CD86: variants seen among roughly 807,000 people sequenced by gnomAD.
CD86 encodes T-lymphocyte activation antigen CD86.
CD86 carries 11 observed loss-of-function variants against 32.1 expected under a neutral mutation model. The ratio of observed to expected loss-of-function variants is 0.34; its 90% CI spans 0.22 to 0.57. CD86 has a LOEUF of 0.57. Ranked by LOEUF, CD86 falls within the 20% of genes least tolerant of loss-of-function variation. CD86 has a pLI of 0.86. For missense variants in CD86, 359 were observed against 398.4 expected (o/e 0.90, Z 0.84); for synonymous variants, 137 against 135.3 (o/e 1.01, Z -0.09).
At chr3:122,109,640 A>T (rs1375778118) in intron 5 of CD86, among the ~76,000 whole-genome samples, 1 of 152,262 alleles carries the variant, frequency 6.6e-6, no homozygotes, top group Non-Finnish European at 1.5e-5. Flanking sequence ...TTACAAATGT[A>T]CTTCTGGTTT....
At chr3:122,078,083 T>G in intron 1 of CD86, 1 of 984,250 alleles carries the variant, frequency 1.0e-6, no homozygotes, top group Non-Finnish European at 1.2e-6. Context: ...GGGAGTGGCA[T>G]GAGATAAAGC....
intron 1 of CD86, among the ~76,000 whole-genome samples, chr3:122,088,107 G>A (rs1047471846): frequency 2.0e-5 from 3 of 151,372 alleles, no homozygotes; most frequent in Admixed American, 6.6e-5. Flanking sequence ...TGGTTAGGTC[G>A]AACATAATGG....
chr3:122,078,840 A>G (rs192714661), intron 1 of CD86, among the ~76,000 whole-genome samples: 1 of 152,230 alleles, frequency 6.6e-6, no homozygotes, highest in Non-Finnish European at 1.5e-5. Flanking sequence ...TGAACTGTTT[A>G]TCTTACATGT....
intron 1 of CD86, among the ~76,000 whole-genome samples, chr3:122,073,858 T>C (rs1227214981): frequency 6.6e-6 from 1 of 152,204 alleles, no homozygotes; most frequent in Non-Finnish European, 1.5e-5. Context: ...TATGAAATCA[T>C]CACTTTGAAA....
chr3:122,095,759 T>A (rs147945460), intron 2 of CD86, among the ~76,000 whole-genome samples: 5 of 152,156 alleles, frequency 3.3e-5, no homozygotes, highest in Non-Finnish European at 7.4e-5. Context: ...AATAGATATA[T>A]GTTATCTAGT....
intron 2 of CD86, among the ~76,000 whole-genome samples, chr3:122,098,460 G>A (rs1020846448): frequency 4.6e-5 from 7 of 152,152 alleles, no homozygotes; most frequent in African/African-American, 1.7e-4. Context: ...AGGGGAAAGA[G>A]GCCTGATAGG....
chr3:122,071,406 T>C (rs905154853), intron 1 of CD86, among the ~76,000 whole-genome samples: 1 of 152,204 alleles, frequency 6.6e-6, no homozygotes, highest in African/African-American at 2.4e-5. Context: ...GATTGACTTC[T>C]TTCATTAAGC....
intron 1 of CD86, among the ~76,000 whole-genome samples, chr3:122,064,663 T>C (rs1010942434): frequency 2.0e-5 from 3 of 152,118 alleles, no homozygotes; most frequent in Non-Finnish European, 4.4e-5. Flanking sequence ...AAAGACAAAC[T>C]TACCAGTGAA....
chr3:122,101,510 AAAAATATATATAT>A (rs1245670718), intron 2 of CD86, among the ~76,000 whole-genome samples: 928 of 28,652 alleles, frequency 0.032, 12 homozygotes, highest in Middle Eastern at 0.071. Context: ...AAAAAAAAAA[AAAAATATATATAT>A]ATATATATAT....
In CD86 at chr3:122,078,993, A is replaced by G. The variant is rs185442288; in HGVS notation, c.15-12608A>G. 6.5e-4 allele frequency among the ~76,000 whole-genome samples: 99 copies of G among 152,310 alleles called. 2 individuals carry two copies. The highest frequency in any genetic ancestry group is 7.8e-4 in the Admixed American group (12 of 15,300). ...CCTGTGTATAATGGAAGCTTTTATAAATCTCTATTTATTTATTCCTAATAT... is the reference window on the plus strand; with the variant it reads ...CCTGTGTATAATGGAAGCTTTTATAGATCTCTATTTATTTATTCCTAATAT... On this transcript the variant is annotated intron_variant, in intron 1 of 6. Transcript: ENST00000330540.
intron 5 of CD86, among the ~76,000 whole-genome samples, chr3:122,110,695 C>CATATATG (rs1483253395): frequency 5.9e-5 from 9 of 152,088 alleles, no homozygotes; most frequent in Non-Finnish European, 1.2e-4. Context: ...GAGTGTGCTG[C>CATATATG]GAGATTTCTA....
chr3:122,118,575 T>C (rs568863997), intron 6 of CD86, among the ~76,000 whole-genome samples: 1 of 152,320 alleles, frequency 6.6e-6, no homozygotes, highest in South Asian at 2.1e-4. Context: ...AGCAGCACTT[T>C]CTTAAAAACC....
chr3:122,080,080 G>A (rs1435992788), intron 1 of CD86, among the ~76,000 whole-genome samples: 1 of 152,144 alleles, frequency 6.6e-6, no homozygotes, highest in Non-Finnish European at 1.5e-5. Flanking sequence ...GGCCCCTCAA[G>A]TTGTGGCCCT....
At chr3:122,105,727 G>T (rs2073079944) in intron 3 of CD86, among the ~76,000 whole-genome samples, 2 of 152,050 alleles carry the variant, frequency 1.3e-5, no homozygotes, top group Admixed American at 1.3e-4. Context: ...TCCTGCTTGG[G>T]TTTCTGAAAG....
At chr3:122,118,197 C>G (rs2073285835) in intron 6 of CD86, 104 bp downstream of exon 6, 1 of 912,718 alleles carries the variant, frequency 1.1e-6, no homozygotes, top group Non-Finnish European at 1.8e-6. Context: ...CTCAGCAAAC[C>G]TGAACTAATG....
At chr3:122,093,409 C>T (rs138131294) in intron 2 of CD86, among the ~76,000 whole-genome samples, 5 of 152,220 alleles carry the variant, frequency 3.3e-5, no homozygotes, top group Admixed American at 6.5e-5. Context: ...CATTATTAGG[C>T]GATTTTGTCA....
chr3:122,079,945 C>T (rs1029112294), intron 1 of CD86, among the ~76,000 whole-genome samples: 1 of 151,994 alleles, frequency 6.6e-6, no homozygotes, highest in Non-Finnish European at 1.5e-5. Flanking sequence ...CAAAAAAAAC[C>T]CTCTTCCTTC....
In CD86 at chr3:122,064,507, A is replaced by G. The variant is rs562849632; in HGVS notation, c.14+9004A>G. ...AGTGATGCAGGCCTGTGGTTTACGTACAGCTCCATGACGTATGAATGGCAG... is the reference window on the plus strand; with the variant it reads ...AGTGATGCAGGCCTGTGGTTTACGTGCAGCTCCATGACGTATGAATGGCAG... On this transcript the variant is annotated intron_variant, in intron 1 of 6. Transcript: ENST00000330540. Among the ~76,000 whole-genome samples the G allele has an allele frequency of 1.4e-4, 21 of 152,288 alleles. No homozygotes were observed. In the South Asian group the frequency reaches 4.3e-3, roughly 32 times the overall value.
In CD86 at chr3:122,107,059, C is replaced by T. The variant is rs572307168; in HGVS notation, c.703+559C>T. Reference sequence around the variant, plus strand: ...GATTTTTAAAAGGTTGAATTGGAATCTAAATTTTATTCCATGGAAATATCT... The same window carrying T: ...GATTTTTAAAAGGTTGAATTGGAATTTAAATTTTATTCCATGGAAATATCT... On this transcript the variant is annotated intron_variant, in intron 4 of 6. Coordinates refer to ENST00000330540, the MANE Select transcript of CD86 (RefSeq NM_175862.5). Among the ~76,000 whole-genome samples the T allele has an allele frequency of 2.0e-5, 3 of 152,216 alleles. No homozygotes were observed. The East Asian group carries it at 5.8e-4, about 29-fold the overall frequency.
Sources: allele counts gnomAD v4.1 joint callset (sites outside exome capture counted in the v4.1 genomes callset), GRCh38; gene constraint gnomAD v4.1.1; transcripts MANE v1.5; gene names NCBI Gene and HGNC (gene_info 2026-07-23, HGNC 2026-07-21).